The following ZNF486 variants were observed in gnomAD, a reference collection of about 807,000 sequenced individuals.
ZNF486 encodes the protein KRAB box only protein 2.
Under a neutral mutation model 12.8 loss-of-function variants are expected in ZNF486, and 12 were observed. The ratio of observed to expected loss-of-function variants is 0.94; its 90% confidence interval spans 0.60 to 1.52. ZNF486 has a LOEUF of 1.52. Ranked by LOEUF, ZNF486 falls within the 40% of genes most tolerant of loss-of-function variation. The pLI, the probability that ZNF486 is intolerant of heterozygous loss-of-function variation, is 0.00. For missense variants in ZNF486, 738 were observed against 545.0 expected (o/e 1.35, Z -3.53); for synonymous variants, 231 against 184.9 (o/e 1.25, Z -2.02).
At chr19:20,168,784 C>T (rs1555713370) in intron 1 of ZNF486, among the ~76,000 whole-genome samples, 1 of 152,122 alleles carries the variant, frequency 6.6e-6, no homozygotes, top group Non-Finnish European at 1.5e-5. Context: ...GAAATTAAAG[C>T]TTGAACCTAG....
At chr19:20,188,755 A>G (rs1661347837) in intron 3 of ZNF486, 1 of 291,366 alleles carries the variant, frequency 3.4e-6, no homozygotes, top group South Asian at 1.6e-4. Flanking sequence ...CTCAATACCC[A>G]TTAAATAACA....
chr19:20,178,264 CAA>C (rs2089745301), intron 1 of ZNF486, among the ~76,000 whole-genome samples: 1 of 150,848 alleles, frequency 6.6e-6, no homozygotes, highest in South Asian at 2.1e-4. Flanking sequence ...CTTTTTGAGA[CAA>C]AGTCTCACTC....
chr19:20,176,219 C>T (rs2089712486), intron 1 of ZNF486: 1 of 191,640 alleles, frequency 5.2e-6, no homozygotes, highest in Non-Finnish European at 1.1e-5. Context: ...CCCCACATCT[C>T]ATACGATGGG....
At chr19:20,168,901 C>T (rs1654309) in intron 1 of ZNF486, among the ~76,000 whole-genome samples, 30,453 of 151,162 alleles carry the variant, frequency 0.2, 3,784 homozygotes, top group East Asian at 0.47. Flanking sequence ...AGTGCAGTGG[C>T]GCGATCTCGG....
At chr19:20,170,015 C>T (rs1026576466) in intron 1 of ZNF486, among the ~76,000 whole-genome samples, 8 of 151,398 alleles carry the variant, frequency 5.3e-5, no homozygotes, top group Non-Finnish European at 8.8e-5. Flanking sequence ...CTCAGCCTCC[C>T]GAGTAGCTGG....
intron 1 of ZNF486, chr19:20,176,924 C>T (rs1311703867): frequency 6.6e-6 from 1 of 152,250 alleles, no homozygotes; most frequent in South Asian, 2.1e-4. Context: ...CTATCTCTAT[C>T]TGGACTCATG....
chr19:20,198,213 T>A lies in ZNF486; in HGVS notation c.*111T>A, dbSNP rs746356468. The A allele has an allele frequency of 6.9e-6, 6 of 868,008 alleles. No individual in the cohort carries two copies. The highest frequency in any genetic ancestry group is 1.1e-5 in the Non-Finnish European group (6 of 568,376). 53.8% of individuals were successfully genotyped at this position (868,008 alleles called of 1,614,324 possible). A position where few individuals can be genotyped will look rare whatever the true frequency, so the allele number is the denominator to read the frequency against. ...CTCACCACAACCTCCACCTTCTGGG[T>A]TCAAGTAACTCTCCTTAGTAGCTAG... On this transcript the variant is annotated 3_prime_UTR_variant, in exon 4 of 4. Coordinates refer to ENST00000335117, the MANE Select transcript of ZNF486 (RefSeq NM_052852.4).
intron 3 of ZNF486, among the ~76,000 whole-genome samples, chr19:20,187,089 T>C (rs575706516): frequency 2.4e-4 from 36 of 151,994 alleles, no homozygotes; most frequent in Non-Finnish European, 4.7e-4. Context: ...GGCCCATAGT[T>C]TTTTTATTGT....
chr19:20,172,073 C>T (rs782542539), intron 1 of ZNF486, among the ~76,000 whole-genome samples: 7 of 151,706 alleles, frequency 4.6e-5, no homozygotes, highest in South Asian at 4.1e-4. Context: ...GGTGCAACCT[C>T]GGCTCACCAC....
At chr19:20,185,181 A>G (rs1375442843) in intron 2 of ZNF486, among the ~76,000 whole-genome samples, 1 of 151,946 alleles carries the variant, frequency 6.6e-6, no homozygotes, top group African/African-American at 2.4e-5. Context: ...ATCTATTTGG[A>G]TCTTCTCTTC....
intron 1 of ZNF486, among the ~76,000 whole-genome samples, chr19:20,183,690 T>C (rs1174343061): frequency 8.1e-6 from 1 of 123,030 alleles, no homozygotes; most frequent in African/African-American, 5.0e-5. Context: ...TAATTATTTT[T>C]CTATTCATTA....
intron 1 of ZNF486, 111 bp downstream of exon 1, chr19:20,167,471 T>G (rs1465300706): frequency 3.1e-6 from 4 of 1,276,228 alleles, no homozygotes; most frequent in Non-Finnish European, 3.3e-6. Context: ...GCGTCCGGAC[T>G]TCTCCTTACC....
rs57907168 is a variant in ZNF486 at position 20,186,784 on chromosome 19, GT to G, written c.253+719del. On this transcript the variant is annotated intron_variant, in intron 3 of 3. Coordinates refer to ENST00000335117, the MANE Select transcript of ZNF486 (RefSeq NM_052852.4). ...TGGATCTTCTCTAATATTTTCATAG[GT>G]TTTTTTTTTTTTTTTTGAGAAGGAG... 3.6e-3 allele frequency among the ~76,000 whole-genome samples: 436 copies of G among 122,438 alleles called. 3 individuals are homozygous for G. The highest frequency in any genetic ancestry group is 4.6e-3 in the South Asian group (17 of 3,690). The allele number at this position is 122,438 out of a possible 152,430, so 80.3% of individuals were successfully genotyped here. A position where few individuals can be genotyped will look rare whatever the true frequency, so the allele number is the denominator to read the frequency against.
intron 1 of ZNF486, among the ~76,000 whole-genome samples, chr19:20,183,344 G>A (rs1399709232): frequency 6.6e-6 from 1 of 152,114 alleles, no homozygotes; most frequent in Non-Finnish European, 1.5e-5. Context: ...TTAAGAAAAT[G>A]CTTTTTTATA....
intron 1 of ZNF486, among the ~76,000 whole-genome samples, chr19:20,178,652 G>A (rs887541603): frequency 3.9e-5 from 6 of 152,172 alleles, no homozygotes; most frequent in Non-Finnish European, 8.8e-5. Context: ...TCCCTGTCAG[G>A]CTTCCAGTCA....
At position 20,195,539 on chromosome 19, in the gene ZNF486, T is replaced by C. The variant is rs1199298970; in HGVS notation, c.254-1425T>C. 2.0e-5 allele frequency among the ~76,000 whole-genome samples: 3 copies of C among 151,888 alleles called. No individual in the cohort carries two copies. The East Asian group carries it at 5.8e-4, about 29-fold the overall frequency. Reference sequence around the variant, plus strand: ...TGGTTGCTTTTGAAAAGTTTATAATTTTTTTGATGGGGCCATGTTCTAATA... The same window carrying C: ...TGGTTGCTTTTGAAAAGTTTATAATCTTTTTGATGGGGCCATGTTCTAATA... On this transcript the variant is annotated intron_variant, in intron 3 of 3. Transcript: ENST00000335117.
rs1555718183 is a variant in ZNF486, at chr19:20,197,320, G to C, written c.610G>C (p.Asp204His). Reference sequence around the variant, plus strand: ...AACCCATACTACACATAAAAAAATTGATACTGGAGAGAAACCATACAAATG... The same window carrying C: ...AACCCATACTACACATAAAAAAATTCATACTGGAGAGAAACCATACAAATG... The part of the protein sequence containing the change: ...SSTHTTHKKI[D>H]TGEKPYKCEE... Residue 204 changes from aspartate (D) to histidine (H), a missense_variant, in exon 4 of 4, where the codon GAT (aspartate) becomes CAT (histidine). Transcript: ENST00000335117. 4.3e-6 allele frequency: 7 copies of C among 1,612,284 alleles called. No homozygotes were observed. The highest frequency in any genetic ancestry group is 1.7e-5 in the Admixed American group (1 of 59,718).
chr19:20,177,547 T>C (rs1599701477), intron 1 of ZNF486, among the ~76,000 whole-genome samples: 1 of 152,212 alleles, frequency 6.6e-6, no homozygotes, highest in East Asian at 2.0e-4. Flanking sequence ...TGGACTATGA[T>C]GCATGTCACA....
chr19:20,199,282 G>A lies in ZNF486; in HGVS notation c.*1180G>A, dbSNP rs1301472839. ...AAGACAAGCATTACAAATATAAAGA[G>A]GTTTGTAGTACCTTTGCTTGTATTA... On this transcript the variant is annotated 3_prime_UTR_variant, in exon 4 of 4. Transcript: ENST00000335117. 6.6e-6 allele frequency: 1 copy of A among 152,140 alleles called. No homozygotes were observed. The highest frequency in any genetic ancestry group is 2.4e-5 in the African/African-American group (1 of 41,444). 9.4% of individuals were successfully genotyped at this position (152,140 alleles called of 1,614,324 possible).
Sources: gnomAD v4.1 joint callset for allele counts (sites outside exome capture counted in the v4.1 genomes callset) on GRCh38, gnomAD v4.1.1 for gene constraint, MANE v1.5 for transcripts, NCBI Gene and HGNC (gene_info 2026-07-23, HGNC 2026-07-21) for gene names.